The following KASH5 variants were observed in gnomAD, a reference collection of about 807,000 sequenced individuals.
The protein encoded by KASH5 is protein KASH5.
In KASH5, 72 loss-of-function variants were observed where a neutral mutation model predicts 84.2. The ratio of observed to expected loss-of-function variants is 0.85; its 90% confidence interval spans 0.71 to 1.04. The LOEUF is 1.04. Among genes scored for constraint, KASH5 ranks in the 50% least tolerant of loss-of-function variants. The probability of loss-of-function intolerance (pLI) is 0.00; values close to 1 mark genes in which losing one functional copy is unlikely to be tolerated. For missense variants in KASH5, 650 were observed against 701.0 expected (o/e 0.93, Z 0.82); for synonymous variants, 260 against 279.1 (o/e 0.93, Z 0.68).
At chr19:49,404,526 G>A (rs1282785642) in intron 9 of KASH5, among the ~76,000 whole-genome samples, 2 of 152,196 alleles carry the variant, frequency 1.3e-5, no homozygotes, top group Non-Finnish European at 2.9e-5. Flanking sequence ...TACCCAGGCT[G>A]TAGGCCTCAC....
At position 49,399,009 on chromosome 19, in the gene KASH5, C is replaced by T; in HGVS notation, c.630-16C>T. ...CCTCCCTCTCGTATGGCTCATCTGC[C>T]CCCACCCGCATTCAGCACCCAGCAG... is the stretch of plus-strand genomic sequence containing the variant. On this transcript the variant is annotated splice_polypyrimidine_tract_variant and intron_variant, in intron 7 of 19. Transcript: ENST00000447857. This position sits in a 1 kb window ranked among gnomAD's most constrained non-coding sequence, Gnocchi z 4.4. The T allele has an allele frequency of 1.3e-6, 2 of 1,546,154 alleles. No homozygotes were observed. The highest frequency in any genetic ancestry group is 1.4e-5 in the African/African-American group (1 of 72,994).
rs1160489673 is a variant in KASH5, at chr19:49,412,995, C to G, written c.1297C>G (p.Pro433Ala). The G allele has an allele frequency of 6.2e-7, 1 of 1,613,278 alleles. No homozygotes were observed. Among genetic ancestry groups the G allele is most frequent in the East Asian group, 2.2e-5 (1 of 44,896 alleles). ...AAACTTCCAGGGAGAGCCAGCGCAC[C>G]CTGAAGAAGGAAGGAAGGAGCCATC... ...QRNFQGEPAH[P>A]EEGRKEPSMW... Residue 433 changes from proline to alanine, a missense_variant, in exon 16 of 20, where the codon CCT becomes GCT. Pro to Ala is a conservative substitution (Grantham distance 27). Coordinates refer to ENST00000447857, the MANE Select transcript of KASH5 (RefSeq NM_144688.5). This position sits in a 1 kb window ranked among gnomAD's most constrained non-coding sequence, Gnocchi z 4.6.
At chr19:49,390,739 C>T (rs992099910) in intron 1 of KASH5, 50 bp from the exon 2 acceptor site, 13 of 911,610 alleles carry the variant, frequency 1.4e-5, no homozygotes, top group African/African-American at 3.5e-5. Flanking sequence ...AGGCAGGCCC[C>T]GACCCTTGGT....
rs151224125 is a variant in KASH5 at position 49,401,299 on chromosome 19, G to A, written c.798+1792G>A. Among the ~76,000 whole-genome samples the A allele has an allele frequency of 5.1e-3, 779 of 152,258 alleles. 8 individuals are homozygous for A. Among genetic ancestry groups the A allele is most frequent in the African/African-American group, 0.017 (716 of 41,546 alleles). ...CCCCAGGCCAGGGTGGGTGCTCATG[G>A]TGGGGAGATGTGGCTTCTCTGGGGA... is the stretch of plus-strand genomic sequence containing the variant. On this transcript the variant is annotated intron_variant, in intron 9 of 19. Coordinates refer to ENST00000447857, the MANE Select transcript of KASH5 (RefSeq NM_144688.5).
At position 49,416,728 on chromosome 19, in the gene KASH5, CT is replaced by C. The variant is rs1477018116; in HGVS notation, c.1375-279del. Among the ~76,000 whole-genome samples the C allele has an allele frequency of 6.6e-6, 1 of 152,028 alleles. No individual in the cohort carries two copies. The highest frequency in any genetic ancestry group is 6.6e-5 in the Admixed American group (1 of 15,248). On this transcript the variant is annotated intron_variant, in intron 17 of 19. Transcript: ENST00000447857. This position sits in a 1 kb window ranked among gnomAD's most constrained non-coding sequence, Gnocchi z 5.4. ...GCGCTGTCCAAGCTATTGCCCCCGC[CT>C]TTTTTTTCCTACATTCACTCATTTA...
Position 49,399,710 on chromosome 19 carries a change from A to G in KASH5, c.798+203A>G, listed in dbSNP as rs1974301008. 1.2e-5 allele frequency: 17 copies of G among 1,430,060 alleles called. No individual in the cohort carries two copies. The highest frequency in any genetic ancestry group is 2.5e-5 in the East Asian group (1 of 39,524). The allele number at this position is 1,430,060 out of a possible 1,614,324, so 88.6% of individuals were successfully genotyped here. A position where few individuals can be genotyped will look rare whatever the true frequency, so the allele number is the denominator to read the frequency against. On this transcript the variant is annotated intron_variant, in intron 9 of 19. Transcript: ENST00000447857. The surrounding 1 kb of genome is among the most constrained non-coding windows in gnomAD (Gnocchi z 4.4). ...AGTGTGAGGCATGGGGTCAGCCTAC[A>G]TGGCTTCAGGCTGAGGCCACCTACA...
chr19:49,409,319 C>T, intron 14 of KASH5, 36 bp downstream of exon 14: 1 of 1,597,990 alleles, frequency 6.3e-7, no homozygotes, highest in Non-Finnish European at 8.5e-7. Flanking sequence ...CTGCAGGCCA[C>T]CAAGGCAGAA....
At chr19:49,401,567 G>T (rs1240265974) in intron 9 of KASH5, among the ~76,000 whole-genome samples, 4 of 152,098 alleles carry the variant, frequency 2.6e-5, no homozygotes, top group Non-Finnish European at 5.9e-5. Flanking sequence ...GGAAGTACAC[G>T]CAAGGCCTCT....
At chr19:49,415,170 G>C (rs1397943922) in intron 17 of KASH5, 174 bp downstream of exon 17, 1 of 699,214 alleles carries the variant, frequency 1.4e-6, no homozygotes, top group East Asian at 2.7e-5. Context: ...GAGAGCGATG[G>C]TGAGGTGGGG....
chr19:49,391,118 C>G (rs73576538), intron 2 of KASH5, among the ~76,000 whole-genome samples, 192 bp downstream of exon 2: 4,085 of 152,260 alleles, frequency 0.027, 182 homozygotes, highest in African/African-American at 0.093. Flanking sequence ...CCACCTGTCA[C>G]TACCCCTTAT....
Position 49,417,321 on chromosome 19 carries a change from A to G in KASH5, c.1548-48A>G, listed in dbSNP as rs779467892. 1.9e-6 allele frequency: 3 copies of G among 1,576,508 alleles called. No individual in the cohort carries two copies. In the East Asian group the frequency reaches 7.0e-5, roughly 37 times the overall value. On this transcript the variant is annotated intron_variant, in intron 19 of 19. Transcript: ENST00000447857. This position sits in a 1 kb window ranked among gnomAD's most constrained non-coding sequence, Gnocchi z 5.2. ...GAGGTGGTCTGACATTGGGAAGAGC[A>G]GGGGCTGCCCAGACCCTGCCCTAAA...
chr19:49,396,079 C>T (rs1200838325), intron 5 of KASH5, among the ~76,000 whole-genome samples: 1 of 152,020 alleles, frequency 6.6e-6, no homozygotes, highest in Non-Finnish European at 1.5e-5. Context: ...TACGAGGCCC[C>T]GCCTACCTCT....
At chr19:49,413,791 A>G (rs1974804470) in intron 16 of KASH5, among the ~76,000 whole-genome samples, 2 of 152,068 alleles carry the variant, frequency 1.3e-5, no homozygotes, top group Non-Finnish European at 2.9e-5. Context: ...ACGGCTCCTA[A>G]ATGTAGCCAG....
intron 2 of KASH5, among the ~76,000 whole-genome samples, chr19:49,391,385 G>A (rs549211250): frequency 1.3e-5 from 2 of 152,230 alleles, no homozygotes; most frequent in South Asian, 4.1e-4. Context: ...CCCTAGAGCA[G>A]CGCTGTCCTG....
In KASH5 at chr19:49,399,572, C is replaced by T. The variant is rs761412126; in HGVS notation, c.798+65C>T. ...TCCTTAAGGTCTTCTTGACACCACT[C>T]CCTTCTGCCCCCAACACCCCAGCAG... is the stretch of plus-strand genomic sequence containing the variant. On this transcript the variant is annotated intron_variant, in intron 9 of 19. Transcript: ENST00000447857. The surrounding 1 kb of genome is among the most constrained non-coding windows in gnomAD (Gnocchi z 4.4). The T allele has an allele frequency of 2.6e-6, 4 of 1,557,338 alleles. No individual in the cohort carries two copies. In the African/African-American group the frequency reaches 4.1e-5, roughly 16 times the overall value.
intron 16 of KASH5, 150 bp downstream of exon 16, chr19:49,413,176 C>T (rs1172800584): frequency 5.2e-6 from 4 of 774,558 alleles, no homozygotes; most frequent in Non-Finnish European, 8.2e-6. Context: ...GCCTGTAGGC[C>T]AGGAGATGAG....
rs889717786 is a variant in KASH5, at chr19:49,409,687, T to C, written c.1147-66T>C. The C allele has an allele frequency of 5.6e-6, 9 of 1,603,964 alleles. No homozygotes were observed. The African/African-American group carries it at 1.1e-4, about 19-fold the overall frequency. On this transcript the variant is annotated intron_variant, in intron 14 of 19. Transcript: ENST00000447857. ...TCAGCCGCACACCTAAACCTATTTC[T>C]ATCTCTGACCTTGTTTTCTACCTTA...
At chr19:49,396,244 T>A (rs1974174379) in intron 5 of KASH5, among the ~76,000 whole-genome samples, 2 of 23,742 alleles carry the variant, frequency 8.4e-5, no homozygotes, top group African/African-American at 4.4e-4. Flanking sequence ...CCTGCTGGAC[T>A]TTTTTTTTTT....
intron 2 of KASH5, 123 bp downstream of exon 2, chr19:49,391,049 G>T: frequency 9.3e-7 from 1 of 1,073,004 alleles, no homozygotes; most frequent in South Asian, 1.4e-5. Flanking sequence ...CTTTGCATGG[G>T]TGCAGAGTGG....
Sources: gnomAD v4.1 joint callset for allele counts (sites outside exome capture counted in the v4.1 genomes callset) on GRCh38, gnomAD v4.1.1 for gene constraint, Gnocchi (gnomAD v3.1) non-coding constraint, MANE v1.5 for transcripts, NCBI Gene and HGNC (gene_info 2026-07-23, HGNC 2026-07-21) for gene names.